NEB: variants seen among roughly 807,000 people sequenced by gnomAD.
The protein encoded by NEB is nebulin.
In NEB, 512 loss-of-function variants were observed where a neutral mutation model predicts 952.2. The observed-to-expected ratio is 0.54, with a 90% CI of 0.50 to 0.58. The LOEUF (loss-of-function observed/expected upper bound fraction) is 0.58. Among genes scored for constraint, NEB ranks in the 20% least tolerant of loss-of-function variants. NEB has a pLI of 0.00. For synonymous variants in NEB, 2,900 were observed against 3,149.8 expected (o/e 0.92, Z 2.66); for missense variants, 8,428 against 9,231.1 (o/e 0.91, Z 3.56).
intron 76 of NEB, chr2:151,615,755 C>A (rs1020051881): frequency 2.8e-6 from 1 of 358,396 alleles, no homozygotes; most frequent in Non-Finnish European, 4.9e-6. Context: ...AATATGAACC[C>A]ATTTTTGGTG....
Position 151,513,697 on chromosome 2 carries a change from T to C in NEB, c.23128-4A>G. 4.4e-6 allele frequency: 7 copies of C among 1,574,296 alleles called. No individual in the cohort carries two copies. The highest frequency in any genetic ancestry group is 6.1e-6 in the Non-Finnish European group (7 of 1,154,428). On this transcript the variant is annotated splice_region_variant and splice_polypyrimidine_tract_variant and intron_variant, in intron 159 of 181. Coordinates refer to ENST00000397345, the MANE Select transcript of NEB (RefSeq NM_001164508.2). ...CCAGGTCTCGCTTATATTCTTTCTA[T>C]AGTAGCATTAAAAGAAAAAAAAAAG...
In NEB at chr2:151,492,478, C is replaced by T. The variant is rs2057351309; in HGVS notation, c.24782G>A (p.Ser8261Asn). Reference sequence around the variant, plus strand: ...TTTGCCTTGTATTTGTTTCCGGAAACTATCAGAATAAAGAACCTGATGCAG... The same window carrying T: ...TTTGCCTTGTATTTGTTTCCGGAAATTATCAGAATAAAGAACCTGATGCAG... ...ENISSVLYSDSFRKQIQGKAA... is the reference protein window; with the variant it reads ...ENISSVLYSDNFRKQIQGKAA... Residue 8261 changes from serine (S) to asparagine (N), a missense_variant, in exon 177 of 182, where the codon AGT becomes AAT. This residue lies in a region of NEB where 3,374 missense variants were observed against 3,651.5 expected (regional missense o/e 0.92). Coordinates refer to ENST00000397345, the MANE Select transcript of NEB (RefSeq NM_001164508.2). 2 of 1,612,978 alleles carry T rather than the reference C, an allele frequency of 1.2e-6. No homozygotes were observed. Among genetic ancestry groups the T allele is most frequent in the Non-Finnish European group, 8.5e-7 (1 of 1,179,256 alleles).
intron 181 of NEB, among the ~76,000 whole-genome samples, chr2:151,488,526 G>A (rs1253372055): frequency 2.0e-5 from 3 of 151,498 alleles, no homozygotes; most frequent in Non-Finnish European, 4.4e-5. Flanking sequence ...TACACCTGTA[G>A]TCCTAGCTAT....
chr2:151,498,459 G>A (rs2152995514), intron 169 of NEB, 107 bp from the exon 170 acceptor site: 2 of 724,542 alleles, frequency 2.8e-6, no homozygotes, highest in South Asian at 2.1e-5. Flanking sequence ...TAAGTTAGAG[G>A]AAGAGAAATA....
At chr2:151,519,123 C>G in intron 154 of NEB, 54 bp from the exon 155 acceptor site, 1 of 1,155,814 alleles carries the variant, frequency 8.7e-7, no homozygotes, top group Non-Finnish European at 1.3e-6. Flanking sequence ...TGGAACAGCA[C>G]TAATGGAAAT....
chr2:151,488,200 T>C (rs1233358308), intron 181 of NEB, among the ~76,000 whole-genome samples: 1 of 152,144 alleles, frequency 6.6e-6, no homozygotes, highest in Non-Finnish European at 1.5e-5. Flanking sequence ...AATATTAATA[T>C]TTTTGTTATG....
At position 151,492,387 on chromosome 2, in the gene NEB, C is replaced by T. The variant is rs779321695; in HGVS notation, c.24873G>A (p.Thr8291=). ...RVRETQRHIS[T]VKYHEDFEKH... The stretch of plus-strand genomic sequence containing the variant: ...CAATCCTAAAGAATTCCTGACTCAC[C>T]GTTGAGATGTGCCGTTGGGTCTCCC... The change falls in exon 177 of 182, where the codon ACG becomes ACA. Residue 8291 remains threonine, a splice_region_variant and synonymous_variant. Transcript: ENST00000397345. The T allele has an allele frequency of 1.2e-5, 19 of 1,600,456 alleles. No homozygotes were observed. In the East Asian group the frequency reaches 3.8e-4, roughly 32 times the overall value.
chr2:151,663,731 C>G lies in NEB; in HGVS notation c.5580G>C (p.Lys1860Asn), dbSNP rs1035726243. The G allele has an allele frequency of 6.2e-7, 1 of 1,613,658 alleles. No individual in the cohort carries two copies. Among genetic ancestry groups the G allele is most frequent in the Non-Finnish European group, 8.5e-7 (1 of 1,179,802 alleles). The change falls in exon 45 of 182, where the codon AAG (lysine) becomes AAC (asparagine). Residue 1860 changes from lysine (K) to asparagine (N), a missense_variant. Lys to Asn is a moderately conservative substitution (Grantham distance 94). This residue lies in a region of NEB where 2,851 missense variants were observed against 2,791.5 expected (regional missense o/e 1.02). Coordinates refer to ENST00000397345, the MANE Select transcript of NEB (RefSeq NM_001164508.2). The stretch of plus-strand genomic sequence containing the variant: ...AGGAGGTCTTGGATTTCTCATATCC[C>G]TTCTTGTATTCCCGGTCTGACTGCA... Reference protein sequence around the residue: ...AKMQSDREYKKGYEKSKTSFH... With the variant: ...AKMQSDREYKNGYEKSKTSFH...
intron 10 of NEB, among the ~76,000 whole-genome samples, chr2:151,711,104 T>C (rs1444911558): frequency 1.3e-5 from 2 of 152,222 alleles, no homozygotes; most frequent in East Asian, 3.8e-4. Flanking sequence ...TCCCAGGCTG[T>C]AAGGCTCCTG....
chr2:151,658,545 T>C (rs2099111450), intron 47 of NEB, among the ~76,000 whole-genome samples: 1 of 151,506 alleles, frequency 6.6e-6, no homozygotes, highest in Non-Finnish European at 1.5e-5. Context: ...AACAAAGAAA[T>C]GATAAAAATA....
intron 116 of NEB, 53 bp from the exon 117 acceptor site, chr2:151,565,201 A>G: frequency 1.0e-6 from 1 of 957,750 alleles, no homozygotes; most frequent in Non-Finnish European, 1.6e-6. Flanking sequence ...TTAAATTTTT[A>G]TAAGATTACC....
At chr2:151,694,471 A>C (rs781545969) in intron 19 of NEB, 35 bp from the exon 20 acceptor site, 1 of 1,613,068 alleles carries the variant, frequency 6.2e-7, no homozygotes, top group East Asian at 2.2e-5. Flanking sequence ...ATTCCACTCA[A>C]GAGGAAATGT....
In NEB at chr2:151,658,073, G is replaced by A. The variant is rs777443511; in HGVS notation, c.6093C>T (p.Ser2031=). The A allele has an allele frequency of 1.9e-6, 3 of 1,603,330 alleles. No individual in the cohort carries two copies. The highest frequency in any genetic ancestry group is 2.6e-6 in the Non-Finnish European group (3 of 1,172,752). The part of the protein sequence containing the change: ...INMSDKLYKL[S]LEESKKKGYD... ...AGCCTTTCTTTTTAGACTCTTCCAA[G>A]GAAAGTTTGTAGAGTTTCTGTAAAG... Residue 2031 remains serine, a synonymous_variant, in exon 48 of 182, where the codon TCC becomes TCT. Coordinates refer to ENST00000397345, the MANE Select transcript of NEB (RefSeq NM_001164508.2).
In NEB at chr2:151,627,213, G is replaced by GATTAAACAC. The variant is rs1574263120; in HGVS notation, c.10144-17_10144-9dup. ...ATCAGATTTGTAAATGTTCTGGAGA[G>GATTAAACAC]ATTAAACACAAAAGCGAGTATTACT... On this transcript the variant is annotated splice_polypyrimidine_tract_variant and intron_variant, in intron 69 of 181. Transcript: ENST00000397345. 1 of 1,607,012 alleles carries GATTAAACAC rather than the reference G, an allele frequency of 6.2e-7. No homozygotes were observed. The highest frequency in any genetic ancestry group is 1.1e-5 in the South Asian group (1 of 89,944).
Position 151,727,761 on chromosome 2 carries a change from T to C in NEB, c.224A>G (p.Lys75Arg), listed in dbSNP as rs777761921. ...GGTCATGAACTTTGAAGGATCCACT[T>C]TCTTCCGGATGACCTTCCTCCTCTC... ...PVERRKVIRK[K>R]VDPSKFMTPY... The change falls in exon 5 of 182, where the codon AAA becomes AGA. Residue 75 changes from lysine (K) to arginine (R), a missense_variant. Physicochemically the swap from Lys to Arg is conservative, Grantham distance 26. Around this residue, in one of 11 missense-constraint regions of NEB, gnomAD observed 2,851 missense variants for 2,791.5 expected, o/e 1.02. Coordinates refer to ENST00000397345, the MANE Select transcript of NEB (RefSeq NM_001164508.2). 6.2e-7 allele frequency: 1 copy of C among 1,613,734 alleles called. No homozygotes were observed. Among genetic ancestry groups the C allele is most frequent in the South Asian group, 1.1e-5 (1 of 91,082 alleles).
intron 53 of NEB, 52 bp from the exon 54 acceptor site, chr2:151,650,431 G>C: frequency 6.4e-7 from 1 of 1,563,196 alleles, no homozygotes; most frequent in Non-Finnish European, 8.8e-7. Context: ...CTGGACCCTT[G>C]ATTCAAGTGA....
At position 151,694,641 on chromosome 2, in the gene NEB, A is replaced by G; in HGVS notation, c.1675-12T>C. ...TGCTTATAAAGATTCTGGACAAAAA[A>G]ATTCAGCAAAGGAATTGGCAAAAGT... On this transcript the variant is annotated splice_polypyrimidine_tract_variant and intron_variant, in intron 18 of 181. Transcript: ENST00000397345. 1 of 1,564,468 alleles carries G rather than the reference A, an allele frequency of 6.4e-7. No homozygotes were observed. The highest frequency in any genetic ancestry group is 8.7e-7 in the Non-Finnish European group (1 of 1,153,208).
intron 9 of NEB, among the ~76,000 whole-genome samples, chr2:151,721,855 C>A (rs1015765563): frequency 6.6e-6 from 1 of 152,166 alleles, no homozygotes; most frequent in African/African-American, 2.4e-5. Flanking sequence ...GTATCATGTG[C>A]TAGATGACTT....
At chr2:151,559,043 T>C (rs2095850481) in intron 124 of NEB, among the ~76,000 whole-genome samples, 1 of 152,216 alleles carries the variant, frequency 6.6e-6, no homozygotes, top group African/African-American at 2.4e-5. Context: ...TCTATCCATC[T>C]GACAATGGGC....
Sources: allele counts gnomAD v4.1 joint callset (sites outside exome capture counted in the v4.1 genomes callset), GRCh38; gene constraint gnomAD v4.1.1; regional missense constraint gnomAD v4.1.1; transcripts MANE v1.5; gene names NCBI Gene and HGNC (gene_info 2026-07-23, HGNC 2026-07-21).